QSER1: variants seen among roughly 807,000 people sequenced by gnomAD.
QSER1 encodes glutamine and serine rich 1.
A neutral mutation model predicts 158.5 loss-of-function variants in QSER1; 49 were observed. The ratio of observed to expected loss-of-function variants is 0.31; its 90% CI spans 0.25 to 0.39. The LOEUF (loss-of-function observed/expected upper bound fraction) is 0.39, where lower values mean the gene tolerates loss of function less well. Among genes scored for constraint, QSER1 ranks in the 10% least tolerant of loss-of-function variants. The pLI, the probability that QSER1 is intolerant of heterozygous loss-of-function variation, is 1.00. For missense variants in QSER1, 1,754 were observed against 2,010.3 expected, an observed-to-expected ratio of 0.87 and a Z score of 2.44; for synonymous variants, 650 against 715.5, an observed-to-expected ratio of 0.91 and a Z score of 1.46.
At chr11:32,975,098 T>C (rs530736425) in intron 11 of QSER1, 150 bp from the exon 12 acceptor site, 31 of 408,698 alleles carry the variant, frequency 7.6e-5, no homozygotes, top group African/African-American at 5.5e-4. Flanking sequence ...TTATTTTGAA[T>C]AAGTCTCTCC....
intron 8 of QSER1, among the ~76,000 whole-genome samples, chr11:32,964,735 T>TACACACACACACAC (rs1176079108): frequency 3.4e-5 from 4 of 116,654 alleles, no homozygotes; most frequent in Non-Finnish European, 5.4e-5. Context: ...TATATATATA[T>TACACACACACACAC]ATATACACAC....
At position 32,973,496 on chromosome 11, in the gene QSER1, G is replaced by C. The variant is rs1047597880; in HGVS notation, c.5305G>C (p.Ala1769Pro). The C allele has an allele frequency of 3.7e-6, 6 of 1,613,326 alleles. No individual in the cohort carries two copies. In the African/African-American group the frequency reaches 6.7e-5, roughly 18 times the overall value. Reference sequence around the variant, plus strand: ...TTCTAAAATCAAAATGAATGGCAAAGCCTATAATAAGAAAACTCTAAGGAC... The same window carrying C: ...TTCTAAAATCAAAATGAATGGCAAACCCTATAATAAGAAAACTCTAAGGAC... ...AISKIKMNGK[A>P]YNKKTLRTSK... Residue 1769 changes from alanine (A) to proline (P), a missense_variant, in exon 11 of 13, where the codon GCC becomes CCC. Physicochemically the swap from Ala to Pro is conservative, Grantham distance 27. Transcript: ENST00000650167.
chr11:32,958,272 C>G (rs569101041), intron 8 of QSER1, among the ~76,000 whole-genome samples, 186 bp downstream of exon 8: 41 of 152,296 alleles, frequency 2.7e-4, no homozygotes, highest in African/African-American at 9.6e-4. Flanking sequence ...GCACAGTTGG[C>G]CCACACATGC....
intron 1 of QSER1, among the ~76,000 whole-genome samples, chr11:32,920,886 T>C (rs180992163): frequency 2.0e-5 from 3 of 152,356 alleles, no homozygotes; most frequent in African/African-American, 4.8e-5. Context: ...TTATAACTTA[T>C]ACTTTGCTGG....
rs1295205079 is a variant in QSER1, at chr11:32,972,496, CATG to C, written c.5206-898_5206-896del. ...TGTCACCCAGACTGGAGTGCAGTGG[CATG>C]ATATTAGCTCAGTACAACCTCTGCC... On this transcript the variant is annotated intron_variant, in intron 10 of 12. Transcript: ENST00000650167. Among the ~76,000 whole-genome samples the C allele has an allele frequency of 4.6e-5, 7 of 151,660 alleles. No homozygotes were observed. In the South Asian group the frequency reaches 8.3e-4, roughly 18 times the overall value.
At position 32,933,902 on chromosome 11, in the gene QSER1, C is replaced by T. The variant is rs762256324; in HGVS notation, c.2644C>T (p.Gln882Ter). The T allele has an allele frequency of 6.2e-7, 1 of 1,613,616 alleles. No individual in the cohort carries two copies. The highest frequency in any genetic ancestry group is 1.7e-5 in the Admixed American group (1 of 59,950). Residue 882 changes from glutamine (Q) to a stop codon, truncating the protein, a stop_gained, in exon 4 of 13, where the codon CAA becomes TAA. Transcript: ENST00000650167. LOFTEE classifies it high-confidence loss of function. The part of the protein sequence containing the change: ...AGLGQVKASL[Q>*]AQRVQSPQQI... ...TTTAGGTCAAGTAAAGGCATCTTTA[C>T]AAGCACAGCGTGTTCAAAGCCCTCA...
At chr11:32,915,235 T>A (rs1455455008) in intron 1 of QSER1, among the ~76,000 whole-genome samples, 1 of 151,900 alleles carries the variant, frequency 6.6e-6, no homozygotes, top group Non-Finnish European at 1.5e-5. Flanking sequence ...AAAATTATAA[T>A]TTTTTTTTAA....
intron 6 of QSER1, 41 bp from the exon 7 acceptor site, chr11:32,955,947 A>G: frequency 6.4e-7 from 1 of 1,559,798 alleles, no homozygotes; most frequent in South Asian, 1.2e-5. Flanking sequence ...ATTTGTATCT[A>G]GATTGTTCAA....
intron 8 of QSER1, among the ~76,000 whole-genome samples, chr11:32,961,365 A>G (rs1680180841): frequency 6.6e-6 from 1 of 152,160 alleles, no homozygotes; most frequent in African/African-American, 2.4e-5. Flanking sequence ...CATATCTCTC[A>G]TCCATGCATG....
chr11:32,935,355 G>C lies in QSER1; in HGVS notation c.4097G>C (p.Gly1366Ala). Reference sequence around the variant, plus strand: ...TTTTCTTCTGATGAAGATGATCCTGGATATAGTCAAGATGCTTATAAAAGC... The same window carrying C: ...TTTTCTTCTGATGAAGATGATCCTGCATATAGTCAAGATGCTTATAAAAGC... ...SSFSSDEDDP[G>A]YSQDAYKSVS... is the part of the protein sequence containing the mutation. Residue 1366 changes from glycine to alanine, a missense_variant, in exon 4 of 13, where the codon GGA (glycine) becomes GCA (alanine). By Grantham distance (60) the Gly-to-Ala change is moderately conservative. This residue lies in a region of QSER1 where 1,707 missense variants were observed against 1,919.6 expected (regional missense o/e 0.89). Transcript: ENST00000650167. 6.2e-7 allele frequency: 1 copy of C among 1,610,488 alleles called. No individual in the cohort carries two copies. Among genetic ancestry groups the C allele is most frequent in the Non-Finnish European group, 8.5e-7 (1 of 1,178,848 alleles).
chr11:32,945,677 C>T (rs2133569637), intron 4 of QSER1, among the ~76,000 whole-genome samples: 1 of 149,376 alleles, frequency 6.7e-6, no homozygotes, highest in Admixed American at 6.6e-5. Flanking sequence ...ACATTTTTTC[C>T]TTCATTTCAA....
rs898851597 is a variant in QSER1, at chr11:32,893,370, G to A, written c.209+36G>A. 3 of 152,484 alleles carry A rather than the reference G, an allele frequency of 2.0e-5. No homozygotes were observed. Among genetic ancestry groups the A allele is most frequent in the Non-Finnish European group, 4.4e-5 (3 of 68,162 alleles). The allele number at this position is 152,484 out of a possible 1,614,324, so 9.4% of individuals were successfully genotyped here. A position where few individuals can be genotyped will look rare whatever the true frequency, so the allele number is the denominator to read the frequency against. On this transcript the variant is annotated intron_variant, in intron 1 of 12. Coordinates refer to ENST00000650167, the MANE Select transcript of QSER1 (RefSeq NM_001076786.3). The surrounding 1 kb of genome is among the most constrained non-coding windows in gnomAD (Gnocchi z 4.7). ...TGGGCGGCGGGGTCGCGGTGGACCA[G>A]GAAAGGCCGGGGATGCGTTTGGGGC...
At chr11:32,916,555 TG>T (rs1851832712) in intron 1 of QSER1, among the ~76,000 whole-genome samples, 1 of 152,130 alleles carries the variant, frequency 6.6e-6, no homozygotes, top group Non-Finnish European at 1.5e-5. Context: ...CAAACCTAGA[TG>T]GTGTAGACTG....
At chr11:32,976,297 A>C in intron 12 of QSER1, 37 bp from the exon 13 acceptor site, 5 of 1,510,988 alleles carry the variant, frequency 3.3e-6, no homozygotes, top group African/African-American at 1.4e-5. Context: ...ATATGATGTG[A>C]TAAGTATAAG....
intron 1 of QSER1, among the ~76,000 whole-genome samples, chr11:32,912,250 A>G (rs534282480): frequency 6.6e-6 from 1 of 152,168 alleles, no homozygotes; most frequent in African/African-American, 2.4e-5. Flanking sequence ...GAAACCGTCC[A>G]TGTTTGTTCA....
At chr11:32,905,858 T>C (rs1221530403) in intron 1 of QSER1, among the ~76,000 whole-genome samples, 2 of 152,196 alleles carry the variant, frequency 1.3e-5, no homozygotes, top group African/African-American at 2.4e-5. Flanking sequence ...ACAGTATGTC[T>C]ACTATTTGCT....
chr11:32,963,321 T>A (rs1477825715), intron 8 of QSER1, among the ~76,000 whole-genome samples: 1 of 152,068 alleles, frequency 6.6e-6, no homozygotes, highest in Admixed American at 6.5e-5. Context: ...TTGTATTTTT[T>A]AGTAGAGACA....
In QSER1 at chr11:32,954,157, T is replaced by G. The variant is rs548838220; in HGVS notation, c.4478T>G (p.Ile1493Arg). 1.2e-6 allele frequency: 2 copies of G among 1,613,302 alleles called. No homozygotes were observed. Among genetic ancestry groups the G allele is most frequent in the East Asian group, 4.5e-5 (2 of 44,874 alleles). The change falls in exon 5 of 13, where the codon ATA becomes AGA. Residue 1493 changes from isoleucine (I) to arginine (R), a missense_variant. This residue lies in a region of QSER1 where 1,707 missense variants were observed against 1,919.6 expected (regional missense o/e 0.89). Coordinates refer to ENST00000650167, the MANE Select transcript of QSER1 (RefSeq NM_001076786.3). ...GAGCGTGATGAATTTGTGGTAAAGA[T>G]AGAAGACATAGAGACTTTTAAGGTG... ...YRERDEFVVKIEDIETFKEAL... is the reference protein window; with the variant it reads ...YRERDEFVVKREDIETFKEAL...
At chr11:32,925,754 C>A (rs1851961818) in intron 1 of QSER1, among the ~76,000 whole-genome samples, 1 of 151,886 alleles carries the variant, frequency 6.6e-6, no homozygotes, top group Non-Finnish European at 1.5e-5. Context: ...TCTCAAACTC[C>A]TGACCTCAAG....
Sources: allele counts gnomAD v4.1 joint callset (sites outside exome capture counted in the v4.1 genomes callset), GRCh38; gene constraint gnomAD v4.1.1; regional missense constraint gnomAD v4.1.1; non-coding constraint Gnocchi (gnomAD v3.1); transcripts MANE v1.5; gene names NCBI Gene and HGNC (gene_info 2026-07-23, HGNC 2026-07-21).